SH3GL1: variants seen among roughly 807,000 people sequenced by gnomAD.
SH3GL1 encodes the protein endophilin-A2.
SH3GL1 carries 21 observed loss-of-function variants against 48.8 expected under a neutral mutation model. The ratio of observed to expected loss-of-function variants is 0.43; its 90% CI spans 0.30 to 0.62. The LOEUF is 0.62. Among genes scored for constraint, SH3GL1 ranks in the 20% least tolerant of loss-of-function variants. The pLI, the probability that SH3GL1 is intolerant of heterozygous loss-of-function variation, is 0.11. For synonymous variants in SH3GL1, 282 were observed against 217.5 expected, an observed-to-expected ratio of 1.30 and a Z score of -2.61; for missense variants, 454 against 503.0, an observed-to-expected ratio of 0.90 and a Z score of 0.93.
intron 1 of SH3GL1, among the ~76,000 whole-genome samples, chr19:4,369,693 C>T (rs146253124): frequency 1.4e-3 from 214 of 152,304 alleles, no homozygotes; most frequent in Middle Eastern, 0.01. Context: ...AGCCCCAGGA[C>T]GACTTCCTGA....
rs967071766 is a variant in SH3GL1, at chr19:4,361,409, C to T, written c.*191G>A. 1.0e-5 allele frequency: 6 copies of T among 590,804 alleles called. No homozygotes were observed. Among genetic ancestry groups the T allele is most frequent in the East Asian group, 2.8e-5 (1 of 35,524 alleles). The allele number at this position is 590,804 out of a possible 1,614,324, so 36.6% of individuals were successfully genotyped here. A position where few individuals can be genotyped will look rare whatever the true frequency, so the allele number is the denominator to read the frequency against. ...GTCAGCGCTAGTGTAAACAGGCATC[C>T]CCACCCACCCAGATAAGCCCCCCCA... On this transcript the variant is annotated 3_prime_UTR_variant, in exon 10 of 10. Coordinates refer to ENST00000269886, the MANE Select transcript of SH3GL1 (RefSeq NM_003025.4).
intron 1 of SH3GL1, among the ~76,000 whole-genome samples, chr19:4,386,973 G>A (rs1973247587): frequency 6.6e-6 from 1 of 152,184 alleles, no homozygotes; most frequent in Admixed American, 6.5e-5. Flanking sequence ...GTCTTGCTCT[G>A]TCGCCCAGGC....
chr19:4,371,429 T>C (rs1299398878), intron 1 of SH3GL1, among the ~76,000 whole-genome samples: 1 of 152,232 alleles, frequency 6.6e-6, no homozygotes, highest in Admixed American at 6.5e-5. Context: ...CTGCTGCCGA[T>C]GGGCGGCCTT....
chr19:4,370,273 C>T (rs567913135), intron 1 of SH3GL1, among the ~76,000 whole-genome samples: 6 of 152,190 alleles, frequency 3.9e-5, no homozygotes, highest in Non-Finnish European at 5.9e-5. Flanking sequence ...CCATTCCTGC[C>T]GAGGGAGACT....
chr19:4,377,821 A>G (rs776592251), intron 1 of SH3GL1, among the ~76,000 whole-genome samples: 5 of 152,190 alleles, frequency 3.3e-5, no homozygotes, highest in Non-Finnish European at 7.4e-5. Context: ...CTCAGCACAG[A>G]GGAAGCAGGC....
At chr19:4,371,875 C>T (rs1047052630) in intron 1 of SH3GL1, among the ~76,000 whole-genome samples, 18 of 152,366 alleles carry the variant, frequency 1.2e-4, no homozygotes, top group African/African-American at 4.3e-4. Context: ...AATCTGTGAG[C>T]GCACAGACCA....
rs373742627 is a variant in SH3GL1 at position 4,388,745 on chromosome 19, C to G, written c.45+11579G>C. On this transcript the variant is annotated intron_variant, in intron 1 of 9. Transcript: ENST00000269886. Reference sequence around the variant, plus strand: ...CAGCAGGTGCATTTCAGCCTGGCCTCGATCAAGGGGGGAAGCAGGCGTCTG... The same window carrying G: ...CAGCAGGTGCATTTCAGCCTGGCCTGGATCAAGGGGGGAAGCAGGCGTCTG... Among the ~76,000 whole-genome samples the G allele has an allele frequency of 3.2e-4, 49 of 152,308 alleles. 1 individual carries two copies. In the South Asian group the frequency reaches 5.8e-3, roughly 18 times the overall value.
chr19:4,374,693 C>G (rs1972970955), intron 1 of SH3GL1, among the ~76,000 whole-genome samples: 1 of 152,258 alleles, frequency 6.6e-6, no homozygotes, highest in South Asian at 2.1e-4. Context: ...GTGCTGTGGC[C>G]TTGCAGCCCG....
rs187520105 is a variant in SH3GL1 at position 4,362,277 on chromosome 19, C to T, written c.910+52G>A. On this transcript the variant is annotated intron_variant, in intron 9 of 9. Coordinates refer to ENST00000269886, the MANE Select transcript of SH3GL1 (RefSeq NM_003025.4). ...AGGGCGGGAGGAGAAACACCCTCCC[C>T]GAATGGCCGAGAAGGCAGCACTGAG... The T allele has an allele frequency of 6.5e-4, 1,015 of 1,567,466 alleles. 6 individuals carry two copies. In the African/African-American group the frequency reaches 8.5e-3, roughly 13 times the overall value.
chr19:4,361,615 C>T lies in SH3GL1; in HGVS notation c.1092G>A (p.Val364=), dbSNP rs1265599062. 4.4e-6 allele frequency: 7 copies of T among 1,600,210 alleles called. No individual in the cohort carries two copies. Among genetic ancestry groups the T allele is most frequent in the Non-Finnish European group, 5.9e-6 (7 of 1,177,024 alleles). ...FFPLSYVEVL[V]PLPQ The stretch of plus-strand genomic sequence containing the variant: ...CACGGGTGAGTCACTGCGGCAGGGG[C>T]ACAAGCACCTCCACGTAGCTGAGCG... The change falls in exon 10 of 10, where the codon GTG becomes GTA. Residue 364 remains valine (V), a synonymous_variant. Transcript: ENST00000269886.
In SH3GL1 at chr19:4,400,024, C is replaced by T. The variant is rs928403988; in HGVS notation, c.45+300G>A. 2.0e-5 allele frequency among the ~76,000 whole-genome samples: 3 copies of T among 152,150 alleles called. No individual in the cohort carries two copies. The highest frequency in any genetic ancestry group is 2.9e-5 in the Non-Finnish European group (2 of 68,010). On this transcript the variant is annotated intron_variant, in intron 1 of 9. Transcript: ENST00000269886. The surrounding 1 kb of genome is among the most constrained non-coding windows in gnomAD (Gnocchi z 4.1). The stretch of plus-strand genomic sequence containing the variant: ...GGGACTCCTCTCTTCCCCTTCTCTC[C>T]CCGCACCCCGCCTTTGCAGCGGAGA...
rs368776070 is a variant in SH3GL1, at chr19:4,374,557, C to T, written c.46-7563G>A. ...CTGCATCCCGGAAGGCCTCCACCAG[C>T]CCGAACCTGGCCCGTCCGCCCTAGA... On this transcript the variant is annotated intron_variant, in intron 1 of 9. Transcript: ENST00000269886. Among the ~76,000 whole-genome samples the T allele has an allele frequency of 2.8e-4, 42 of 152,378 alleles. No homozygotes were observed. In the South Asian group the frequency reaches 5.4e-3, roughly 20 times the overall value.
In SH3GL1 at chr19:4,375,956, T is replaced by C. The variant is rs564203855; in HGVS notation, c.46-8962A>G. On this transcript the variant is annotated intron_variant, in intron 1 of 9. Transcript: ENST00000269886. ...CACATGCACAGGAACGATAAGGCTT[T>C]CTTAAAAAACGATCTTTTCTCAACA... Among the ~76,000 whole-genome samples the C allele has an allele frequency of 1.1e-4, 17 of 152,252 alleles. No individual in the cohort carries two copies. In the East Asian group the frequency reaches 2.3e-3, roughly 21 times the overall value.
rs1337903140 is a variant in SH3GL1, at chr19:4,361,353, G to T, written c.*247C>A. 3 of 526,252 alleles carry T rather than the reference G, an allele frequency of 5.7e-6. No homozygotes were observed. The highest frequency in any genetic ancestry group is 3.4e-5 in the Admixed American group (1 of 29,116). The allele number at this position is 526,252 out of a possible 1,614,324, so 32.6% of individuals were successfully genotyped here. A position where few individuals can be genotyped will look rare whatever the true frequency, so the allele number is the denominator to read the frequency against. ...GAGCGGGGGAGGAGGCTGGCGCCAT[G>T]GAGTGGGGAAGGGAGCCGTCACCGT... On this transcript the variant is annotated 3_prime_UTR_variant, in exon 10 of 10. Transcript: ENST00000269886.
rs1414864777 is a variant in SH3GL1, at chr19:4,376,192, C to A, written c.46-9198G>T. On this transcript the variant is annotated intron_variant, in intron 1 of 9. Coordinates refer to ENST00000269886, the MANE Select transcript of SH3GL1 (RefSeq NM_003025.4). The surrounding 1 kb of genome is among the most constrained non-coding windows in gnomAD (Gnocchi z 4.3). ...TCCTGAGACACAGAAACCATCTTCA[C>A]CATCTCTAAGATCCCTTCCATTTCT... Among the ~76,000 whole-genome samples, 2 of 152,212 alleles carry A rather than the reference C, an allele frequency of 1.3e-5. No homozygotes were observed. Among genetic ancestry groups the A allele is most frequent in the Non-Finnish European group, 1.5e-5 (1 of 68,042 alleles).
At chr19:4,366,221 GA>G (rs1157514832) in intron 3 of SH3GL1, among the ~76,000 whole-genome samples, 4 of 152,220 alleles carry the variant, frequency 2.6e-5, no homozygotes, top group Admixed American at 2.0e-4. Context: ...TAAGCTGGGG[GA>G]GAGGCTCCCT....
In SH3GL1 at chr19:4,360,681, G is replaced by T. The variant is rs1972582064; in HGVS notation, c.*919C>A. 1 of 233,404 alleles carries T rather than the reference G, an allele frequency of 4.3e-6. No individual in the cohort carries two copies. Among genetic ancestry groups the T allele is most frequent in the Non-Finnish European group, 8.5e-6 (1 of 118,142 alleles). 14.5% of individuals were successfully genotyped at this position (233,404 alleles called of 1,614,324 possible). A position where few individuals can be genotyped will look rare whatever the true frequency, so the allele number is the denominator to read the frequency against. On this transcript the variant is annotated 3_prime_UTR_variant, in exon 10 of 10. Transcript: ENST00000269886. Reference sequence around the variant, plus strand: ...GATGGCTGGGGCCACTTCCCACAGGGTGAAGTGGCAGCGGCTCAGCAAGGG... The same window carrying T: ...GATGGCTGGGGCCACTTCCCACAGGTTGAAGTGGCAGCGGCTCAGCAAGGG...
At chr19:4,363,674 C>G (rs1208405152) in intron 6 of SH3GL1, 46 bp downstream of exon 6, 1 of 1,610,200 alleles carries the variant, frequency 6.2e-7, no homozygotes, top group Non-Finnish European at 8.5e-7. Flanking sequence ...CCCCGGCCTC[C>G]CAAGGGCATA....
rs369034457 is a variant in SH3GL1, at chr19:4,362,880, C to T, written c.729-144G>A. ...GGGTTGTGACACATGGACCCTGGGA[C>T]ACAGCTAGACTGGGATGTCTACCCA... is the stretch of plus-strand genomic sequence containing the variant. On this transcript the variant is annotated intron_variant, in intron 7 of 9. Coordinates refer to ENST00000269886, the MANE Select transcript of SH3GL1 (RefSeq NM_003025.4). 1.1e-4 allele frequency: 150 copies of T among 1,327,734 alleles called. No homozygotes were observed. The Middle Eastern group carries it at 1.5e-3, about 13-fold the overall frequency. The allele number at this position is 1,327,734 out of a possible 1,614,324, so 82.2% of individuals were successfully genotyped here.
Sources: allele counts gnomAD v4.1 joint callset (sites outside exome capture counted in the v4.1 genomes callset), GRCh38; gene constraint gnomAD v4.1.1; non-coding constraint Gnocchi (gnomAD v3.1); transcripts MANE v1.5; gene names NCBI Gene and HGNC (gene_info 2026-07-23, HGNC 2026-07-21).